Variants in NEBL observed in about 807,000 individuals in gnomAD.
The protein encoded by NEBL is nebulette, also known as LIM and SH3 protein 2.
In NEBL, 122 loss-of-function variants were observed where a neutral mutation model predicts 140.2. That is an observed-to-expected ratio of 0.87 (90% CI 0.75 to 1.01). The LOEUF (loss-of-function observed/expected upper bound fraction) is 1.01, where lower values mean the gene tolerates loss of function less well. Among genes scored for constraint, NEBL ranks in the 50% least tolerant of loss-of-function variants. The pLI is 0.00. For synonymous variants in NEBL, 436 were observed against 398.9 expected (o/e 1.09, Z -1.11); for missense variants, 1,365 against 1,231.3 (o/e 1.11, Z -1.62).
At chr10:21,251,286 G>C (rs7896926) in intron 2 of NEBL, among the ~76,000 whole-genome samples, 28,420 of 152,058 alleles carry the variant, frequency 0.19, 3,010 homozygotes, top group African/African-American at 0.27. Flanking sequence ...TTCTGGAACA[G>C]TTTAATCTTA....
chr10:21,205,209 A>G (rs1335100668), intron 3 of NEBL, among the ~76,000 whole-genome samples: 2 of 152,228 alleles, frequency 1.3e-5, no homozygotes, highest in Non-Finnish European at 2.9e-5. Context: ...CTGAAGGGAT[A>G]CTATTTACAA....
chr10:21,215,152 T>C lies in NEBL; in HGVS notation n.348+32769A>G, dbSNP rs531774666. 7.2e-5 allele frequency among the ~76,000 whole-genome samples: 11 copies of C among 152,294 alleles called. No homozygotes were observed. The East Asian group carries it at 2.1e-3, about 29-fold the overall frequency. ...TACCTAACATACAATTTGGTTAGAT[T>C]TGCACAAATTAGTGGCATGTGGTGG... On this transcript the variant is annotated intron_variant and non_coding_transcript_variant, in intron 3 of 8. Transcript: ENST00000675702.
rs186098676 is a variant in NEBL at position 21,049,764 on chromosome 10, G to A, written c.165-29563C>T. On this transcript the variant is annotated intron_variant, in intron 2 of 6. Coordinates refer to the NEBL transcript ENST00000417816. ...GACATCCCCTTCTTTGCAGGCAAAGGCTGTGTTTCTGCATCTCTCTTCTCT... is the reference window on the plus strand; with the variant it reads ...GACATCCCCTTCTTTGCAGGCAAAGACTGTGTTTCTGCATCTCTCTTCTCT... 2.1e-3 allele frequency among the ~76,000 whole-genome samples: 327 copies of A among 152,296 alleles called. 1 individual carries two copies. Among genetic ancestry groups the A allele is most frequent in the African/African-American group, 7.6e-3 (317 of 41,560 alleles).
At chr10:20,892,606 T>C (rs1203290224) in intron 2 of NEBL, among the ~76,000 whole-genome samples, 3 of 152,126 alleles carry the variant, frequency 2.0e-5, no homozygotes, top group Non-Finnish European at 2.9e-5. Flanking sequence ...AAGGGCAAAA[T>C]TGATGACTTT....
In NEBL at chr10:20,914,881, G is replaced by A. The variant is rs140603405; in HGVS notation, c.357+46791C>T. Among the ~76,000 whole-genome samples the A allele has an allele frequency of 4.2e-3, 632 of 151,618 alleles. 3 individuals carry two copies. Among genetic ancestry groups the A allele is most frequent in the African/African-American group, 0.014 (576 of 41,314 alleles). The stretch of plus-strand genomic sequence containing the variant: ...GTTGTTTTGTTTTGTTTTTTGAGGC[G>A]GAGTCTCACTCTGTCACCCAGGCCG... On this transcript the variant is annotated intron_variant, in intron 4 of 6. Coordinates refer to the NEBL transcript ENST00000417816.
chr10:21,168,823 T>C (rs11012554), intron 2 of NEBL, among the ~76,000 whole-genome samples: 6,884 of 150,024 alleles, frequency 0.046, 315 homozygotes, highest in East Asian at 0.23. Context: ...CTGAGGCGGG[T>C]GGATCACAAG....
chr10:21,220,521 G>A (rs1200470697), intron 3 of NEBL, among the ~76,000 whole-genome samples: 1 of 152,168 alleles, frequency 6.6e-6, no homozygotes, highest in Non-Finnish European at 1.5e-5. Flanking sequence ...GGGCTTAAAT[G>A]TAAGATCAGA....
At chr10:21,157,352 G>A (rs780186373) in intron 2 of NEBL, among the ~76,000 whole-genome samples, 7 of 151,942 alleles carry the variant, frequency 4.6e-5, no homozygotes, top group East Asian at 1.9e-4. Context: ...GGTGGATCAC[G>A]TGAGATCAGG....
chr10:21,217,285 C>G (rs1485216920), intron 3 of NEBL, among the ~76,000 whole-genome samples: 1 of 152,158 alleles, frequency 6.6e-6, no homozygotes. Context: ...TGAGCCACAG[C>G]CAGAGACAGA....
intron 4 of NEBL, among the ~76,000 whole-genome samples, chr10:20,886,833 A>T (rs1039950465): frequency 1.3e-5 from 2 of 152,240 alleles, no homozygotes; most frequent in African/African-American, 2.4e-5. Context: ...TACTATTATT[A>T]ACCTAAAATG....
intron 12 of NEBL, chr10:20,841,528 A>C (rs1841409762): frequency 6.6e-6 from 1 of 152,400 alleles, no homozygotes; most frequent in South Asian, 2.1e-4. Flanking sequence ...CTCTGATGGA[A>C]TCTATGGCTC....
intron 3 of NEBL, among the ~76,000 whole-genome samples, chr10:21,015,411 C>T (rs1006422355): frequency 1.3e-5 from 2 of 152,226 alleles, no homozygotes; most frequent in African/African-American, 4.8e-5. Flanking sequence ...GCATCTATGC[C>T]TTCCCTTCCA....
intron 2 of NEBL, among the ~76,000 whole-genome samples, chr10:21,151,238 C>T (rs1029284926): frequency 1.3e-5 from 2 of 152,316 alleles, no homozygotes; most frequent in African/African-American, 4.8e-5. Flanking sequence ...GTAATTCACC[C>T]TGCTTCAGTC....
At position 21,065,673 on chromosome 10, in the gene NEBL, C is replaced by T. The variant is rs565321552; in HGVS notation, c.165-45472G>A. ...AAAGCCAGTGGCATTTATTGAGCACCTGCTATGTATGAGGATTGCCCCTTC... is the reference window on the plus strand; with the variant it reads ...AAAGCCAGTGGCATTTATTGAGCACTTGCTATGTATGAGGATTGCCCCTTC... On this transcript the variant is annotated intron_variant, in intron 2 of 6. Coordinates refer to the NEBL transcript ENST00000417816. Among the ~76,000 whole-genome samples the T allele has an allele frequency of 1.4e-4, 21 of 152,298 alleles. No individual in the cohort carries two copies. In the South Asian group the frequency reaches 4.1e-3, roughly 30 times the overall value.
chr10:21,176,150 A>G (rs2132198894), upstream of NEBL, among the ~76,000 whole-genome samples: 1 of 152,178 alleles, frequency 6.6e-6, no homozygotes, highest in African/African-American at 2.4e-5. Flanking sequence ...CCACAGGCAT[A>G]TGCCACTATG....
rs761937050 is a variant in NEBL, at chr10:20,859,834, A to G, written c.685-8T>C. On this transcript the variant is annotated splice_polypyrimidine_tract_variant and splice_region_variant and intron_variant, in intron 7 of 27. Transcript: ENST00000377122. ...TTTTTCTTTGTATTTAATCTGTCATAAAAGAGAAATAGTACATGTAACTTT... is the reference window on the plus strand; with the variant it reads ...TTTTTCTTTGTATTTAATCTGTCATGAAAGAGAAATAGTACATGTAACTTT... The G allele has an allele frequency of 1.5e-6, 2 of 1,306,172 alleles. No individual in the cohort carries two copies. Among genetic ancestry groups the G allele is most frequent in the Admixed American group, 3.4e-5 (2 of 58,276 alleles). 80.9% of individuals were successfully genotyped at this position (1,306,172 alleles called of 1,614,324 possible). A position where few individuals can be genotyped will look rare whatever the true frequency, so the allele number is the denominator to read the frequency against.
chr10:21,243,916 CGAAAGGGAAAGG>C (rs200622049), intron 3 of NEBL, among the ~76,000 whole-genome samples: 117 of 108,512 alleles, frequency 1.1e-3, no homozygotes, highest in Non-Finnish European at 1.8e-3. Context: ...GGAAGGAAGG[CGAAAGGGAAAGG>C]GAAAGGGAAA....
chr10:21,125,225 T>TACAC (rs555623591), intron 2 of NEBL, among the ~76,000 whole-genome samples: 241 of 141,406 alleles, frequency 1.7e-3, no homozygotes, highest in Admixed American at 4.5e-3. Flanking sequence ...CACACATGCA[T>TACAC]ATACACACAC....
chr10:21,212,785 T>C (rs114753607), intron 3 of NEBL, among the ~76,000 whole-genome samples: 237 of 152,256 alleles, frequency 1.6e-3, no homozygotes, highest in African/African-American at 5.4e-3. Context: ...CTTTTCATCA[T>C]AGGAAATAGC....
Sources: gnomAD v4.1 joint callset for allele counts (sites outside exome capture counted in the v4.1 genomes callset) on GRCh38, gnomAD v4.1.1 for gene constraint, MANE v1.5 for transcripts, NCBI Gene and HGNC (gene_info 2026-07-23, HGNC 2026-07-21) for gene names.